TRIM37: variants seen among roughly 807,000 people sequenced by gnomAD.
The protein encoded by TRIM37 is E3 ubiquitin-protein ligase TRIM37.
In TRIM37, 80 loss-of-function variants were observed where a neutral mutation model predicts 129.8. The ratio of observed to expected loss-of-function variants is 0.62; its 90% CI spans 0.51 to 0.74. The LOEUF is 0.74. Among genes scored for constraint, TRIM37 ranks in the 30% least tolerant of loss-of-function variants. The pLI is 0.00. For missense variants in TRIM37, 1,054 were observed against 1,176.5 expected (o/e 0.90, Z 1.52); for synonymous variants, 389 against 387.1 (o/e 1.00, Z -0.06).
At chr17:58,996,428 C>T (rs888804092), downstream of TRIM37, among the ~76,000 whole-genome samples, 40 of 150,976 alleles carry the variant, frequency 2.6e-4, no homozygotes, top group African/African-American at 9.3e-4. Flanking sequence ...TGAGATCATG[C>T]CACTGCACTC....
intron 19 of TRIM37, among the ~76,000 whole-genome samples, chr17:59,017,874 C>T (rs2036144779): frequency 6.6e-6 from 1 of 152,150 alleles, no homozygotes; most frequent in Admixed American, 6.6e-5. Flanking sequence ...GATCCACCTG[C>T]CGCGGCCTCC....
downstream of TRIM37, among the ~76,000 whole-genome samples, chr17:58,993,411 C>A (rs1205066204): frequency 6.6e-6 from 1 of 152,160 alleles, no homozygotes; most frequent in Admixed American, 6.5e-5. Context: ...CCCAAATGGG[C>A]AAATGAATGA....
intron 1 of TRIM37, 142 bp from the exon 2 acceptor site, chr17:59,104,536 T>C (rs1338509522): frequency 1.2e-6 from 1 of 827,792 alleles, no homozygotes. Flanking sequence ...ATTTGGTTGG[T>C]CAAGATACAG....
chr17:59,033,802 C>A (rs925874858), intron 17 of TRIM37, among the ~76,000 whole-genome samples: 1 of 151,576 alleles, frequency 6.6e-6, no homozygotes, highest in Non-Finnish European at 1.5e-5. Context: ...AAAATTACAT[C>A]CTAGATACAC....
rs386833999 is a variant in TRIM37, at chr17:59,057,033, C to CATCT, written c.1037_1040dup (p.Met347IlefsTer8). ...TAGGATCATTACAGGACTGGTGAAC[C>CATCT]ATCTCTACACGATATTCATATCTAA... On this transcript the variant is annotated frameshift_variant, in exon 13 of 24. Coordinates refer to ENST00000262294, the MANE Select transcript of TRIM37 (RefSeq NM_015294.6). LOFTEE classifies it high-confidence loss of function. 2 of 1,613,510 alleles carry CATCT rather than the reference C, an allele frequency of 1.2e-6. No individual in the cohort carries two copies. Among genetic ancestry groups the CATCT allele is most frequent in the Non-Finnish European group, 1.7e-6 (2 of 1,179,828 alleles).
chr17:59,084,637 C>T (rs2043593762), intron 4 of TRIM37, among the ~76,000 whole-genome samples: 2 of 152,114 alleles, frequency 1.3e-5, no homozygotes, highest in Non-Finnish European at 2.9e-5. Flanking sequence ...AACTATGTCC[C>T]CCCTCAAATT....
intron 2 of TRIM37, among the ~76,000 whole-genome samples, chr17:59,099,215 A>C (rs2045221012): frequency 6.6e-6 from 1 of 151,966 alleles, no homozygotes; most frequent in South Asian, 2.1e-4. Context: ...AAGGATAAAC[A>C]AAAAGTGGTA....
At chr17:59,091,578 ATGTATAATATATTATACAT>A (rs1718800359) in intron 2 of TRIM37, among the ~76,000 whole-genome samples, 1 of 82,774 alleles carries the variant, frequency 1.2e-5, no homozygotes, top group African/African-American at 5.2e-5. Flanking sequence ...AATATATATA[ATGTATAATATATTATACAT>A]TATATATATA....
At chr17:59,011,009 A>G (rs1441983550) in intron 22 of TRIM37, among the ~76,000 whole-genome samples, 1 of 151,996 alleles carries the variant, frequency 6.6e-6, no homozygotes, top group African/African-American at 2.4e-5. Flanking sequence ...TCTCTTACTA[A>G]AAATACAAAA....
At chr17:58,980,543 C>T, downstream of TRIM37, 1 of 1,614,106 alleles carries the variant, frequency 6.2e-7, no homozygotes, top group Non-Finnish European at 8.5e-7. The surrounding 1 kb of genome is among the most constrained non-coding windows in gnomAD (Gnocchi z 4.7). Context: ...GATGTTTGGT[C>T]CTGGTGCACC....
Position 59,057,026 on chromosome 17 carries a change from G to A in TRIM37, c.1048C>T (p.Gln350Ter). 2.5e-6 allele frequency: 4 copies of A among 1,613,624 alleles called. No individual in the cohort carries two copies. In the Middle Eastern group the frequency reaches 6.6e-4, roughly 267 times the overall value. The stretch of plus-strand genomic sequence containing the variant: ...TTTTTTGTAGGATCATTACAGGACT[G>A]GTGAACCATCTCTACACGATATTCA... ...KYEYRVEMVHQSCNDPTKNII... is the reference protein window; with the variant it reads ...KYEYRVEMVH The change falls in exon 13 of 24, where the codon CAG becomes TAG. Residue 350 changes from glutamine to a stop codon, truncating the protein, a stop_gained. Coordinates refer to ENST00000262294, the MANE Select transcript of TRIM37 (RefSeq NM_015294.6). LOFTEE classifies it high-confidence loss of function.
chr17:59,043,089 A>G (rs547920534), intron 16 of TRIM37, among the ~76,000 whole-genome samples: 6 of 152,340 alleles, frequency 3.9e-5, no homozygotes, highest in Admixed American at 6.5e-5. Flanking sequence ...TTCAAAAATA[A>G]TATTTCAGCA....
chr17:59,106,584 T>A lies in TRIM37; in HGVS notation c.-123A>T. 8.5e-7 allele frequency: 1 copy of A among 1,178,298 alleles called. No individual in the cohort carries two copies. The highest frequency in any genetic ancestry group is 1.2e-6 in the Non-Finnish European group (1 of 810,898). The allele number at this position is 1,178,298 out of a possible 1,614,324, so 73.0% of individuals were successfully genotyped here. ...AAGCCCGGCGCCCACGTCAGGGGGCTCTGACAACCGCCCCACCTGCGCGCC... is the reference window on the plus strand; with the variant it reads ...AAGCCCGGCGCCCACGTCAGGGGGCACTGACAACCGCCCCACCTGCGCGCC... On this transcript the variant is annotated 5_prime_UTR_variant, in exon 1 of 24. Coordinates refer to ENST00000262294, the MANE Select transcript of TRIM37 (RefSeq NM_015294.6).
intron 24 of TRIM37, among the ~76,000 whole-genome samples, chr17:58,985,966 C>T (rs946427238): frequency 1.3e-5 from 2 of 152,114 alleles, no homozygotes; most frequent in Non-Finnish European, 1.5e-5. Flanking sequence ...GTAAGTGTTA[C>T]ACTTGAAAAA....
chr17:59,079,644 G>C, intron 7 of TRIM37, 110 bp downstream of exon 7: 1 of 1,358,270 alleles, frequency 7.4e-7, no homozygotes, highest in Non-Finnish European at 1.0e-6. Flanking sequence ...ACATGGAGTT[G>C]CCTAAAATCT....
At chr17:59,057,840 G>C (rs990847904) in intron 12 of TRIM37, among the ~76,000 whole-genome samples, 4 of 151,910 alleles carry the variant, frequency 2.6e-5, no homozygotes, top group African/African-American at 9.7e-5. Flanking sequence ...GCAGTATTTT[G>C]AACGAACCAC....
intron 17 of TRIM37, among the ~76,000 whole-genome samples, chr17:59,033,442 TG>T (rs1214286027): frequency 1.3e-5 from 2 of 152,252 alleles, no homozygotes; most frequent in African/African-American, 4.8e-5. Flanking sequence ...AACTGTTCTT[TG>T]TTGTGTTTTG....
chr17:59,018,070 T>C (rs1440530797), intron 19 of TRIM37, among the ~76,000 whole-genome samples: 1 of 152,174 alleles, frequency 6.6e-6, no homozygotes, highest in Non-Finnish European at 1.5e-5. Context: ...GAAAAATCAA[T>C]GCTGAGTTAG....
chr17:59,069,763 A>C (rs1220703944), intron 9 of TRIM37, among the ~76,000 whole-genome samples: 1 of 152,194 alleles, frequency 6.6e-6, no homozygotes, highest in Admixed American at 6.5e-5. Context: ...TTAGGAAGAT[A>C]ATTAAGGCTA....
Sources: gnomAD v4.1 joint callset for allele counts (sites outside exome capture counted in the v4.1 genomes callset) on GRCh38, gnomAD v4.1.1 for gene constraint, Gnocchi (gnomAD v3.1) non-coding constraint, MANE v1.5 for transcripts, NCBI Gene and HGNC (gene_info 2026-07-23, HGNC 2026-07-21) for gene names.